Variants in ADAMTS10 observed in about 807,000 individuals in gnomAD.
ADAMTS10 encodes the protein A disintegrin and metalloproteinase with thrombospondin motifs 10.
A neutral mutation model predicts 135.9 loss-of-function variants in ADAMTS10; 48 were observed. That is an observed-to-expected ratio of 0.35 (90% CI 0.28 to 0.45). The LOEUF is 0.45. Ranked by LOEUF, ADAMTS10 falls within the 20% of genes least tolerant of loss-of-function variation. The pLI is 1.00. For missense variants in ADAMTS10, 1,131 were observed against 1,565.2 expected (o/e 0.72, Z 4.68); for synonymous variants, 621 against 647.5 (o/e 0.96, Z 0.62).
Position 8,593,100 on chromosome 19 carries a change from T to C in ADAMTS10, c.1480-230A>G, listed in dbSNP as rs1352193259. 7 of 596,194 alleles carry C rather than the reference T, an allele frequency of 1.2e-5. No individual in the cohort carries two copies. The East Asian group carries it at 1.7e-4, about 14-fold the overall frequency. 36.9% of individuals were successfully genotyped at this position (596,194 alleles called of 1,614,324 possible). A position where few individuals can be genotyped will look rare whatever the true frequency, so the allele number is the denominator to read the frequency against. On this transcript the variant is annotated intron_variant, in intron 12 of 25. Transcript: ENST00000597188. ...TATGGAGCACTTTATACATGCCATA[T>C]ACCTCTTTAGGCAGTACTACCCCAT...
rs138296292 is a variant in ADAMTS10, at chr19:8,601,653, C to T, written c.593-508G>A. Among the ~76,000 whole-genome samples, 387 of 152,208 alleles carry T rather than the reference C, an allele frequency of 2.5e-3. 3 individuals carry two copies. Among genetic ancestry groups the T allele is most frequent in the Middle Eastern group, 0.014 (4 of 294 alleles). On this transcript the variant is annotated intron_variant, in intron 5 of 25. Transcript: ENST00000597188. The surrounding 1 kb of genome is among the most constrained non-coding windows in gnomAD (Gnocchi z 4.6). ...CTGGGATTACAGGTTTGAGCCACTG[C>T]GCCTGGCTGCCTCATTGTTTTGTCT...
At chr19:8,584,805 G>T (rs2042400878) in intron 25 of ADAMTS10, 90 bp downstream of exon 25, 2 of 1,507,328 alleles carry the variant, frequency 1.3e-6, no homozygotes, top group South Asian at 2.4e-5. Context: ...GGTTCCAGAA[G>T]TTCTAGGATG....
At position 8,605,774 on chromosome 19, in the gene ADAMTS10, T is replaced by A; in HGVS notation, c.-64A>T. 4 of 1,547,794 alleles carry A rather than the reference T, an allele frequency of 2.6e-6. No homozygotes were observed. The highest frequency in any genetic ancestry group is 3.5e-6 in the Non-Finnish European group (4 of 1,150,646). On this transcript the variant is annotated 5_prime_UTR_variant, in exon 3 of 26. Transcript: ENST00000597188. This position sits in a 1 kb window ranked among gnomAD's most constrained non-coding sequence, Gnocchi z 7.7. ...TGCCGGCAGCCCCCACAGTGCCGCCTCCCCTGTTCACAGCCTTCGCAGCAT... is the reference window on the plus strand; with the variant it reads ...TGCCGGCAGCCCCCACAGTGCCGCCACCCCTGTTCACAGCCTTCGCAGCAT...
intron 13 of ADAMTS10, 48 bp from the exon 14 acceptor site, chr19:8,592,151 C>A (rs1202904616): frequency 6.2e-7 from 1 of 1,612,788 alleles, no homozygotes; most frequent in Admixed American, 1.7e-5. Flanking sequence ...GGAGGACACT[C>A]GTCGGCCCCA....
rs2042670788 is a variant in ADAMTS10, at chr19:8,601,581, C to T, written c.593-436G>A. Among the ~76,000 whole-genome samples, 1 of 151,964 alleles carries T rather than the reference C, an allele frequency of 6.6e-6. No individual in the cohort carries two copies. The highest frequency in any genetic ancestry group is 2.1e-4 in the South Asian group (1 of 4,810). On this transcript the variant is annotated intron_variant, in intron 5 of 25. Transcript: ENST00000597188. The surrounding 1 kb of genome is among the most constrained non-coding windows in gnomAD (Gnocchi z 4.6). ...TTCACCATGTTGGCCAGGCTGGTCT[C>T]GAACTCCTGACCTCAAGTGATCCAC...
chr19:8,607,586 C>T (rs1024545843), intron 2 of ADAMTS10, among the ~76,000 whole-genome samples: 1 of 152,102 alleles, frequency 6.6e-6, no homozygotes, highest in Non-Finnish European at 1.5e-5. Context: ...GCAGCCCAGC[C>T]AAGTCTGAGA....
chr19:8,580,933 T>G lies in ADAMTS10; in HGVS notation c.3272A>C (p.Tyr1091Ser). 1 of 1,613,130 alleles carries G rather than the reference T, an allele frequency of 6.2e-7. No homozygotes were observed. The highest frequency in any genetic ancestry group is 8.5e-7 in the Non-Finnish European group (1 of 1,179,662). ...GGTTTTGCAGCACATCTGGCGGAAG[T>G]AGGCTCGGCTGCAGAACTGAAATTT... The part of the protein sequence containing the change: ...VLKFQFCSRA[Y>S]FRQMCCKTCH... Residue 1091 changes from tyrosine (Y) to serine (S), a missense_variant, in exon 26 of 26, where the codon TAC (tyrosine) becomes TCC (serine). Physicochemically the swap from Tyr to Ser is moderately radical, Grantham distance 144. Around this residue, in one of 3 missense-constraint regions of ADAMTS10, gnomAD observed 745 missense variants for 1,056.3 expected, o/e 0.71. Transcript: ENST00000597188.
intron 25 of ADAMTS10, 126 bp downstream of exon 25, chr19:8,584,769 G>T: frequency 1.5e-6 from 2 of 1,339,848 alleles, no homozygotes; most frequent in Non-Finnish European, 2.1e-6. Flanking sequence ...GGATGGCCTG[G>T]CAGAGACACA....
chr19:8,584,910 C>T lies in ADAMTS10; in HGVS notation c.3187G>A (p.Gly1063Arg), dbSNP rs782617003. ...ACCCACATACCTTCAGGGCCGTCCC[C>T]GGGGGTTGGGCTGTCGCACTTGGCC... ...CEAKCDSPTPGDGPEECKDVN... is the reference protein window; with the variant it reads ...CEAKCDSPTPRDGPEECKDVN... The change falls in exon 25 of 26, where the codon GGG becomes AGG. Residue 1063 changes from glycine (G) to arginine (R), a missense_variant. This residue lies in a region of ADAMTS10 where 745 missense variants were observed against 1,056.3 expected (regional missense o/e 0.71). Transcript: ENST00000597188. 2 of 1,548,966 alleles carry T rather than the reference C, an allele frequency of 1.3e-6. No homozygotes were observed. Among genetic ancestry groups the T allele is most frequent in the African/African-American group, 1.4e-5 (1 of 73,112 alleles).
In ADAMTS10 at chr19:8,580,404, A is replaced by G. The variant is rs1298139622; in HGVS notation, c.*489T>C. The G allele has an allele frequency of 1.2e-5, 2 of 161,300 alleles. No individual in the cohort carries two copies. The highest frequency in any genetic ancestry group is 4.9e-5 in the African/African-American group (2 of 40,742). The allele number at this position is 161,300 out of a possible 1,614,324, so 10.0% of individuals were successfully genotyped here. A position where few individuals can be genotyped will look rare whatever the true frequency, so the allele number is the denominator to read the frequency against. On this transcript the variant is annotated 3_prime_UTR_variant, in exon 26 of 26. Transcript: ENST00000597188. ...GTTGGGGTGGATCCTCCCCCTAGTC[A>G]GGTCAGGGGAGGGTGTCAGGGAGGT... is the stretch of plus-strand genomic sequence containing the variant.
At chr19:8,586,514 C>G in intron 20 of ADAMTS10, 44 bp from the exon 21 acceptor site, 1 of 1,613,176 alleles carries the variant, frequency 6.2e-7, no homozygotes, top group South Asian at 1.1e-5. Flanking sequence ...CGCATGGAGT[C>G]TCTAATTCCA....
chr19:8,600,269 G>A lies in ADAMTS10; in HGVS notation c.810+659C>T, dbSNP rs182869570. Among the ~76,000 whole-genome samples the A allele has an allele frequency of 1.7e-3, 255 of 152,276 alleles. 2 individuals carry two copies. The highest frequency in any genetic ancestry group is 5.8e-3 in the African/African-American group (240 of 41,556). Reference sequence around the variant, plus strand: ...ACAGATAGGTAAGACAAGGCAGAGAGGTGAAGTAACTTGCTCAAAGGCAGA... The same window carrying A: ...ACAGATAGGTAAGACAAGGCAGAGAAGTGAAGTAACTTGCTCAAAGGCAGA... On this transcript the variant is annotated intron_variant, in intron 6 of 25. Coordinates refer to ENST00000597188, the MANE Select transcript of ADAMTS10 (RefSeq NM_030957.4).
In ADAMTS10 at chr19:8,586,714, C is replaced by T. The variant is rs547295272; in HGVS notation, c.2247G>A (p.Lys749=). 244 of 1,613,338 alleles carry T rather than the reference C, an allele frequency of 1.5e-4. 2 individuals carry two copies. In the South Asian group the frequency reaches 2.4e-3, roughly 16 times the overall value. Reference sequence around the variant, plus strand: ...CCAGCAGCAGGGACTCCTGGTCTCCCTTCAGGGCTGGGGGACGATGCAGGG... The same window carrying T: ...CCAGCAGCAGGGACTCCTGGTCTCCTTTCAGGGCTGGGGGACGATGCAGGG... ...LNLSLSHLAL[K]GDQESLLLEG... Residue 749 remains lysine, a synonymous_variant, in exon 20 of 26, where the codon AAG becomes AAA. Transcript: ENST00000597188.
In ADAMTS10 at chr19:8,601,511, G is replaced by A. The variant is rs1398726825; in HGVS notation, c.593-366C>T. 1.3e-5 allele frequency among the ~76,000 whole-genome samples: 2 copies of A among 151,958 alleles called. No individual in the cohort carries two copies. Among genetic ancestry groups the A allele is most frequent in the African/African-American group, 4.8e-5 (2 of 41,348 alleles). ...CGAGTAGCTGGGATGACAGGCATGT[G>A]CCACTATGCCTGGCTAATTTTTGTA... is the stretch of plus-strand genomic sequence containing the variant. On this transcript the variant is annotated intron_variant, in intron 5 of 25. Transcript: ENST00000597188. This position sits in a 1 kb window ranked among gnomAD's most constrained non-coding sequence, Gnocchi z 4.6.
chr19:8,590,527 C>T (rs149040831), intron 15 of ADAMTS10, among the ~76,000 whole-genome samples: 265 of 151,966 alleles, frequency 1.7e-3, no homozygotes, highest in Non-Finnish European at 3.0e-3. Flanking sequence ...GACACAATCT[C>T]GGCTCACTGC....
intron 6 of ADAMTS10, among the ~76,000 whole-genome samples, chr19:8,599,142 G>A (rs906818067): frequency 1.4e-4 from 21 of 151,982 alleles, no homozygotes; most frequent in African/African-American, 4.8e-4. Context: ...GGTACGCTGA[G>A]GCTTAGAGAG....
rs2042328683 is a variant in ADAMTS10 at position 8,580,486 on chromosome 19, AG to A, written c.*406del. ...CAGATTCCCCCCCAGCTCGGAGTGG[AG>A]GGGTAGGGCAGTGCTGGGGGGCAGG... On this transcript the variant is annotated 3_prime_UTR_variant, in exon 26 of 26. Transcript: ENST00000597188. 4 of 164,878 alleles carry A rather than the reference AG, an allele frequency of 2.4e-5. No homozygotes were observed. Among genetic ancestry groups the A allele is most frequent in the African/African-American group, 9.9e-5 (4 of 40,358 alleles). The allele number at this position is 164,878 out of a possible 1,614,324, so 10.2% of individuals were successfully genotyped here. A position where few individuals can be genotyped will look rare whatever the true frequency, so the allele number is the denominator to read the frequency against.
At position 8,596,470 on chromosome 19, in the gene ADAMTS10, C is replaced by T; in HGVS notation, c.1085-58G>A. 2 of 1,611,688 alleles carry T rather than the reference C, an allele frequency of 1.2e-6. No individual in the cohort carries two copies. Among genetic ancestry groups the T allele is most frequent in the South Asian group, 1.1e-5 (1 of 91,050 alleles). ...GAGGCTCAGGACGGTGCTGGCTGGC[C>T]CCATCCACCTGCCAGGTCTCACCCC... On this transcript the variant is annotated intron_variant, in intron 9 of 25. Coordinates refer to ENST00000597188, the MANE Select transcript of ADAMTS10 (RefSeq NM_030957.4). The surrounding 1 kb of genome is among the most constrained non-coding windows in gnomAD (Gnocchi z 7.2).
chr19:8,587,020 C>T lies in ADAMTS10; in HGVS notation c.2159-124G>A. ...GCGCTAAACACACATCTAACTGCAC[C>T]CCTGCCCCACCCTTGTGAACCAGGT... is the stretch of plus-strand genomic sequence containing the variant. On this transcript the variant is annotated intron_variant, in intron 18 of 25. Transcript: ENST00000597188. The T allele has an allele frequency of 3.1e-6, 3 of 981,220 alleles. No individual in the cohort carries two copies. The South Asian group carries it at 4.1e-5, about 13-fold the overall frequency. 60.8% of individuals were successfully genotyped at this position (981,220 alleles called of 1,614,324 possible).
Sources: allele counts gnomAD v4.1 joint callset (sites outside exome capture counted in the v4.1 genomes callset), GRCh38; gene constraint gnomAD v4.1.1; regional missense constraint gnomAD v4.1.1; non-coding constraint Gnocchi (gnomAD v3.1); transcripts MANE v1.5; gene names NCBI Gene and HGNC (gene_info 2026-07-23, HGNC 2026-07-21).